INSC: variants seen among roughly 807,000 people sequenced by gnomAD.
INSC encodes protein inscuteable homolog.
Under a neutral mutation model 58.6 loss-of-function variants are expected in INSC, and 67 were observed. The ratio of observed to expected loss-of-function variants is 1.14; its 90% CI spans 0.94 to 1.40. The LOEUF (loss-of-function observed/expected upper bound fraction) is 1.40. Ranked by LOEUF, INSC falls within the 40% of genes most tolerant of loss-of-function variation. The pLI is 0.00. For missense variants in INSC, 714 were observed against 692.0 expected (o/e 1.03, Z -0.36); for synonymous variants, 262 against 276.1 (o/e 0.95, Z 0.51).
the INSC span, among the ~76,000 whole-genome samples, chr11:15,263,042 C>T: frequency 0.75 from 113,915 of 151,966 alleles, 42,887 homozygotes; most frequent in Middle Eastern, 0.84. Context: ...ATAGAAACAA[C>T]GAAACTTCTA....
intron 6 of INSC, among the ~76,000 whole-genome samples, chr11:15,193,838 C>T (rs907311431): frequency 1.3e-5 from 2 of 152,148 alleles, no homozygotes; most frequent in African/African-American, 4.8e-5. Context: ...AATGGTATTT[C>T]TAGTTCTAGA....
Position 15,225,826 on chromosome 11 carries a change from C to T in INSC, c.1168C>T (p.Gln390Ter). Residue 390 changes from glutamine to a stop codon, truncating the protein, a stop_gained and splice_region_variant, in exon 9 of 13, where the codon CAG becomes TAG. Transcript: ENST00000379556. LOFTEE classifies it high-confidence loss of function. Reference protein sequence around the residue: ...QRVDTPYTRDQIVTILANMSV... With the variant: ...QRVDTPYTRD ...AGTGGACACGCCTTACACTCGGGAC[C>T]AGGTAAGACGCCCAGAAGGCACTGA... 1.9e-6 allele frequency: 3 copies of T among 1,611,438 alleles called. No homozygotes were observed. Among genetic ancestry groups the T allele is most frequent in the Non-Finnish European group, 2.5e-6 (3 of 1,178,830 alleles).
intron 5 of INSC, among the ~76,000 whole-genome samples, chr11:15,185,865 T>TAA (rs112913395): frequency 2.0e-5 from 3 of 152,152 alleles, no homozygotes; most frequent in African/African-American, 7.2e-5. Flanking sequence ...AAACTTATGA[T>TAA]AAAAAAATTT....
chr11:15,184,049 C>T (rs1399472088), intron 5 of INSC, among the ~76,000 whole-genome samples: 1 of 152,070 alleles, frequency 6.6e-6, no homozygotes, highest in Non-Finnish European at 1.5e-5. Flanking sequence ...AATTGAATTA[C>T]ATATGCTTTT....
chr11:15,178,953 G>T (rs1440868574), intron 5 of INSC, among the ~76,000 whole-genome samples: 1 of 152,212 alleles, frequency 6.6e-6, no homozygotes, highest in Non-Finnish European at 1.5e-5. Flanking sequence ...TGAGGCACCT[G>T]CAGGGAATAA....
intron 2 of INSC, among the ~76,000 whole-genome samples, chr11:15,163,834 C>T (rs201961650): frequency 6.6e-6 from 1 of 152,194 alleles, no homozygotes; most frequent in African/African-American, 2.4e-5. Flanking sequence ...CCTCATGATT[C>T]ACCTCGGCCT....
At chr11:15,205,556 G>A (rs1040426668) in intron 7 of INSC, among the ~76,000 whole-genome samples, 5 of 152,164 alleles carry the variant, frequency 3.3e-5, no homozygotes, top group African/African-American at 1.2e-4. Flanking sequence ...CTAATCACTT[G>A]GACTTTGAAA....
chr11:15,132,628 C>T (rs1848151000), intron 1 of INSC, among the ~76,000 whole-genome samples: 1 of 152,160 alleles, frequency 6.6e-6, no homozygotes, highest in African/African-American at 2.4e-5. Flanking sequence ...GATTTACCCA[C>T]AGTTTCAAGC....
chr11:15,221,545 G>C lies in INSC; in HGVS notation c.888G>C (p.Glu296Asp). ...DNSHSEATRA[E>D]AAAVVAQVTS... ...GCCACTCAGAGGCCACACGGGCTGA[G>C]GCTGCGGCTGTGGTGGCCCAGGTCA... Residue 296 changes from glutamate to aspartate, a missense_variant, in exon 8 of 13, where the codon GAG becomes GAC. Transcript: ENST00000379556. 1 of 1,614,100 alleles carries C rather than the reference G, an allele frequency of 6.2e-7. No individual in the cohort carries two copies. The highest frequency in any genetic ancestry group is 8.5e-7 in the Non-Finnish European group (1 of 1,180,008).
chr11:15,125,872 G>A (rs945343600), intron 1 of INSC, among the ~76,000 whole-genome samples: 4 of 152,128 alleles, frequency 2.6e-5, no homozygotes, highest in African/African-American at 7.2e-5. Context: ...GGAGCCCTAT[G>A]GGCTGGAGGT....
chr11:15,122,100 G>A (rs1847887688), intron 1 of INSC, among the ~76,000 whole-genome samples: 1 of 152,174 alleles, frequency 6.6e-6, no homozygotes, highest in South Asian at 2.1e-4. Context: ...TCGTTTATAT[G>A]CTCTCTTAGC....
intron 7 of INSC, among the ~76,000 whole-genome samples, chr11:15,213,245 G>A (rs1035563506): frequency 6.6e-6 from 1 of 152,144 alleles, no homozygotes; most frequent in South Asian, 2.1e-4. Flanking sequence ...GGGCGACAGA[G>A]TGAGACCTTG....
chr11:15,165,505 G>A (rs765861391), intron 2 of INSC, among the ~76,000 whole-genome samples: 9 of 152,160 alleles, frequency 5.9e-5, no homozygotes, highest in Non-Finnish European at 1.0e-4. Flanking sequence ...CCAAAGTTAC[G>A]TAGCTAGCCA....
intron 9 of INSC, among the ~76,000 whole-genome samples, chr11:15,233,912 A>C (rs1852022388): frequency 6.6e-6 from 1 of 152,058 alleles, no homozygotes; most frequent in South Asian, 2.1e-4. Context: ...TTGGCCGTGT[A>C]CCTCCTCCCT....
intron 3 of INSC, among the ~76,000 whole-genome samples, chr11:15,176,375 G>C (rs1277629279): frequency 6.6e-6 from 1 of 151,952 alleles, no homozygotes; most frequent in Non-Finnish European, 1.5e-5. Context: ...TGACTTTAAT[G>C]CCAGACTGCT....
chr11:15,188,095 ATG>A, intron 5 of INSC: 1 of 757,770 alleles, frequency 1.3e-6, no homozygotes, highest in Non-Finnish European at 1.6e-6. Flanking sequence ...TCCCACAGTC[ATG>A]CTGTGCTCAG....
In INSC at chr11:15,136,611, A is replaced by C. The variant is rs943652841; in HGVS notation, c.-45-12519A>C. 2.0e-5 allele frequency among the ~76,000 whole-genome samples: 3 copies of C among 152,198 alleles called. No individual in the cohort carries two copies. In the South Asian group the frequency reaches 6.2e-4, roughly 32 times the overall value. On this transcript the variant is annotated intron_variant, in intron 1 of 12. Transcript: ENST00000379556. ...CTTCACTAGGAGTAGATTACATCTC[A>C]AGAAACTTCTTTCTTTGCTCATCCA...
downstream of INSC, among the ~76,000 whole-genome samples, chr11:15,251,811 A>G (rs371560166): frequency 4.6e-5 from 7 of 152,286 alleles, no homozygotes; most frequent in East Asian, 9.6e-4. Flanking sequence ...GTCACTTTGG[A>G]AAACATTCTG....
the INSC span, among the ~76,000 whole-genome samples, chr11:15,265,515 G>A: frequency 6.6e-6 from 1 of 151,206 alleles, no homozygotes; most frequent in South Asian, 2.1e-4. Flanking sequence ...TCTAGAGTCA[G>A]CTTGGGTAAA....
Sources: gnomAD v4.1 joint callset for allele counts (sites outside exome capture counted in the v4.1 genomes callset) on GRCh38, gnomAD v4.1.1 for gene constraint, MANE v1.5 for transcripts, NCBI Gene and HGNC (gene_info 2026-07-23, HGNC 2026-07-21) for gene names.